The following ZSCAN25 variants were observed in gnomAD, a reference collection of about 807,000 sequenced individuals.
The protein encoded by ZSCAN25 is zinc finger and SCAN domain containing 25, also known as zinc finger and SCAN domain-containing protein 25.
Under a neutral mutation model 38.7 loss-of-function variants are expected in ZSCAN25, and 27 were observed. The ratio of observed to expected loss-of-function variants is 0.70; its 90% CI spans 0.51 to 0.96. The LOEUF (loss-of-function observed/expected upper bound fraction) is 0.96, where lower values mean the gene tolerates loss of function less well. Ranked by LOEUF, ZSCAN25 falls within the 40% of genes least tolerant of loss-of-function variation. ZSCAN25 has a pLI of 0.00. For synonymous variants in ZSCAN25, 273 were observed against 277.7 expected, an observed-to-expected ratio of 0.98 and a Z score of 0.17; for missense variants, 637 against 705.9, an observed-to-expected ratio of 0.90 and a Z score of 1.11.
At chr7:99,713,507 A>T in the ZSCAN25 span, 152 of 1,613,474 alleles carry the variant, frequency 9.4e-5, no homozygotes, top group Middle Eastern at 8.3e-4. Flanking sequence ...CTGAGAGTCA[A>T]TCATCAGCTG....
At chr7:99,683,882 G>A in the ZSCAN25 span, among the ~76,000 whole-genome samples, 1 of 152,188 alleles carries the variant, frequency 6.6e-6, no homozygotes, top group South Asian at 2.1e-4. Flanking sequence ...ATGACTTTAG[G>A]ATAAGTTACT....
the ZSCAN25 span, chr7:99,717,418 C>G: frequency 6.3e-7 from 1 of 1,582,034 alleles, no homozygotes; most frequent in Non-Finnish European, 8.6e-7. Flanking sequence ...TTAGGAAGCT[C>G]AAATTCAGCA....
chr7:99,663,866 C>G, the ZSCAN25 span: 1 of 1,448,000 alleles, frequency 6.9e-7, no homozygotes, highest in Non-Finnish European at 9.0e-7. Flanking sequence ...CATAAGTTCT[C>G]TGTCTTTATT....
At chr7:99,710,640 G>T in the ZSCAN25 span, 1 of 1,597,884 alleles carries the variant, frequency 6.3e-7, no homozygotes, top group Admixed American at 1.7e-5. Flanking sequence ...TCATGATTAT[G>T]CTTTTTATAA....
Position 99,630,595 on chromosome 7 carries a change from G to A in ZSCAN25, c.*575G>A, listed in dbSNP as rs1160270203. On this transcript the variant is annotated 3_prime_UTR_variant, in exon 8 of 8. Coordinates refer to ENST00000394152, the MANE Select transcript of ZSCAN25 (RefSeq NM_145115.3). ...CTCAGGGTATCTGTGCTGTGTGCCC[G>A]TGAGAACATCTTCCCATGACCACTC... is the stretch of plus-strand genomic sequence containing the variant. 2.0e-6 allele frequency: 2 copies of A among 986,468 alleles called. No individual in the cohort carries two copies. The highest frequency in any genetic ancestry group is 1.2e-6 in the Non-Finnish European group (1 of 830,788). The allele number at this position is 986,468 out of a possible 1,614,324, so 61.1% of individuals were successfully genotyped here. A position where few individuals can be genotyped will look rare whatever the true frequency, so the allele number is the denominator to read the frequency against.
At chr7:99,654,687 C>G in the ZSCAN25 span, among the ~76,000 whole-genome samples, 1 of 152,240 alleles carries the variant, frequency 6.6e-6, no homozygotes, top group Non-Finnish European at 1.5e-5. Context: ...AACTAGTTTA[C>G]AGTCCCACCA....
chr7:99,665,162 A>T, the ZSCAN25 span: 2 of 1,602,874 alleles, frequency 1.2e-6, no homozygotes, highest in Non-Finnish European at 1.7e-6. Context: ...AATAGCCCAC[A>T]TACTTATTGA....
At chr7:99,733,419 T>G in the ZSCAN25 span, among the ~76,000 whole-genome samples, 117,797 of 152,090 alleles carry the variant, frequency 0.77, 48,814 homozygotes, top group Non-Finnish European at 0.93. Flanking sequence ...TGCTGCTTTT[T>G]GTTACAATGA....
the ZSCAN25 span, among the ~76,000 whole-genome samples, chr7:99,707,583 A>G: frequency 3.3e-4 from 51 of 152,338 alleles, no homozygotes; most frequent in East Asian, 6.4e-3. Flanking sequence ...GACTGTAGAT[A>G]ATCATGTCAT....
the ZSCAN25 span, chr7:99,685,080 G>A: frequency 7.5e-5 from 91 of 1,215,228 alleles, no homozygotes; most frequent in Middle Eastern, 7.6e-4. Flanking sequence ...GTAATTTGAG[G>A]TCTCTGGTGT....
At chr7:99,699,893 G>C in the ZSCAN25 span, 1 of 971,340 alleles carries the variant, frequency 1.0e-6, no homozygotes, top group Non-Finnish European at 1.7e-6. Context: ...TAAAACAGAT[G>C]AGGGAACAGG....
At chr7:99,619,538 C>T in intron 3 of ZSCAN25, 23 bp from the exon 4 acceptor site, 4 of 1,512,144 alleles carry the variant, frequency 2.6e-6, no homozygotes, top group Non-Finnish European at 3.6e-6. Context: ...GCTGACCTTT[C>T]ATGTGTCTCT....
At chr7:99,635,393 A>G (rs945434650), downstream of ZSCAN25, among the ~76,000 whole-genome samples, 1 of 152,074 alleles carries the variant, frequency 6.6e-6, no homozygotes, top group African/African-American at 2.4e-5. Context: ...TTATTTTTTC[A>G]ATTCTTAGAT....
chr7:99,711,672 G>A, the ZSCAN25 span, among the ~76,000 whole-genome samples: 1 of 152,318 alleles, frequency 6.6e-6, no homozygotes, highest in East Asian at 1.9e-4. Context: ...GGAGGCTGAG[G>A]CAGAATAATC....
chr7:99,677,108 A>G, the ZSCAN25 span: 13 of 908,612 alleles, frequency 1.4e-5, no homozygotes, highest in Non-Finnish European at 1.4e-5. Flanking sequence ...GGAAAAACCC[A>G]TTAAGCCTGG....
chr7:99,633,220 C>G (rs1010860433), downstream of ZSCAN25, among the ~76,000 whole-genome samples: 3 of 152,156 alleles, frequency 2.0e-5, no homozygotes, highest in Non-Finnish European at 4.4e-5. Flanking sequence ...TCTGTATTAT[C>G]TAAAAATGTA....
the ZSCAN25 span, among the ~76,000 whole-genome samples, chr7:99,706,071 A>G: frequency 2.0e-5 from 3 of 152,198 alleles, no homozygotes; most frequent in African/African-American, 7.2e-5. Flanking sequence ...ATTCCTCTCA[A>G]TTGAACCCAT....
the ZSCAN25 span, among the ~76,000 whole-genome samples, chr7:99,707,011 T>C: frequency 2.2e-4 from 34 of 152,300 alleles, no homozygotes; most frequent in Admixed American, 2.0e-3. Flanking sequence ...TAGCCTCCAG[T>C]AACTAATAAC....
the ZSCAN25 span, among the ~76,000 whole-genome samples, chr7:99,652,052 G>C: frequency 6.6e-6 from 1 of 152,020 alleles, no homozygotes; most frequent in African/African-American, 2.4e-5. Context: ...TAAAGTTTCT[G>C]TTAAATTCAG....
Sources: allele counts gnomAD v4.1 joint callset (sites outside exome capture counted in the v4.1 genomes callset), GRCh38; gene constraint gnomAD v4.1.1; transcripts MANE v1.5; gene names NCBI Gene and HGNC (gene_info 2026-07-23, HGNC 2026-07-21).